Variants in LRP1B observed in about 807,000 individuals in gnomAD.
LRP1B encodes low-density lipoprotein receptor-related protein 1B.
Under a neutral mutation model 556.6 loss-of-function variants are expected in LRP1B, and 217 were observed. The ratio of observed to expected loss-of-function variants is 0.39; its 90% CI spans 0.35 to 0.44. LRP1B has a LOEUF of 0.44. Ranked by LOEUF, LRP1B falls within the 20% of genes least tolerant of loss-of-function variation. LRP1B has a pLI of 1.00. For missense variants in LRP1B, 5,053 were observed against 5,620.8 expected (o/e 0.90, Z 3.23); for synonymous variants, 2,047 against 1,865.8 (o/e 1.10, Z -2.50).
chr2:141,741,500 G>T (rs1693705125), intron 2 of LRP1B, among the ~76,000 whole-genome samples: 1 of 132,502 alleles, frequency 7.5e-6, no homozygotes, highest in African/African-American at 2.7e-5. Flanking sequence ...ATTTTAACTG[G>T]TGAGATATCT....
intron 18 of LRP1B, among the ~76,000 whole-genome samples, chr2:140,971,815 C>G (rs1468391528): frequency 2.0e-5 from 3 of 152,126 alleles, no homozygotes; most frequent in African/African-American, 7.2e-5. Flanking sequence ...GCCTGGGTGA[C>G]AGAGAGAGAC....
chr2:140,563,992 G>T (rs796427546), intron 43 of LRP1B, among the ~76,000 whole-genome samples: 21 of 152,216 alleles, frequency 1.4e-4, no homozygotes, highest in African/African-American at 5.1e-4. Flanking sequence ...GGTAGACAGG[G>T]TAACAAGGAG....
In LRP1B at chr2:141,254,649, G is replaced by T. The variant is rs955550770; in HGVS notation, c.344-8C>A. 1.3e-6 allele frequency: 2 copies of T among 1,595,766 alleles called. No individual in the cohort carries two copies. The highest frequency in any genetic ancestry group is 1.7e-5 in the Admixed American group (1 of 58,904). Reference sequence around the variant, plus strand: ...GGCAATTGGATAACAGTTCTGTAGAGAAAAAACAAATATATTCTCTATATT... The same window carrying T: ...GGCAATTGGATAACAGTTCTGTAGATAAAAAACAAATATATTCTCTATATT... On this transcript the variant is annotated splice_polypyrimidine_tract_variant and splice_region_variant and intron_variant, in intron 3 of 90. Coordinates refer to ENST00000389484, the MANE Select transcript of LRP1B (RefSeq NM_018557.3).
intron 3 of LRP1B, among the ~76,000 whole-genome samples, chr2:141,295,507 G>C (rs548370359): frequency 6.6e-6 from 1 of 152,120 alleles, no homozygotes; most frequent in African/African-American, 2.4e-5. Flanking sequence ...TATTGGATCA[G>C]TAGCAGTCAG....
chr2:141,030,337 T>C (rs1473292752), intron 11 of LRP1B, among the ~76,000 whole-genome samples: 1 of 152,072 alleles, frequency 6.6e-6, no homozygotes, highest in Non-Finnish European at 1.5e-5. Context: ...CAGAATGATA[T>C]TTTATGTATA....
intron 37 of LRP1B, among the ~76,000 whole-genome samples, chr2:140,712,809 T>C (rs1229397365): frequency 1.3e-5 from 2 of 152,128 alleles, no homozygotes; most frequent in Admixed American, 6.6e-5. Flanking sequence ...TTACATGTTC[T>C]GTTCTCTGCT....
chr2:141,869,001 T>C (rs1365458944), intron 1 of LRP1B, among the ~76,000 whole-genome samples: 5 of 152,102 alleles, frequency 3.3e-5, no homozygotes, highest in Non-Finnish European at 5.9e-5. Flanking sequence ...TACCCATCAA[T>C]TGGATTTTGT....
intron 2 of LRP1B, among the ~76,000 whole-genome samples, chr2:141,571,417 A>G (rs1334040868): frequency 7.2e-6 from 1 of 139,832 alleles, no homozygotes; most frequent in African/African-American, 2.5e-5. Flanking sequence ...AACCTCATCC[A>G]AGGGTCAGCA....
At chr2:141,276,223 C>A (rs1356821926) in intron 3 of LRP1B, among the ~76,000 whole-genome samples, 1 of 152,142 alleles carries the variant, frequency 6.6e-6, no homozygotes, top group Non-Finnish European at 1.5e-5. Context: ...ACATAACTAT[C>A]TTCACTTCCT....
At chr2:140,793,029 A>C (rs543421352) in intron 32 of LRP1B, among the ~76,000 whole-genome samples, 36 of 152,220 alleles carry the variant, frequency 2.4e-4, no homozygotes, top group Middle Eastern at 7.1e-3. Flanking sequence ...AAACATTAAA[A>C]TGATATTGTA....
At chr2:141,525,986 T>A (rs1017089419) in intron 2 of LRP1B, among the ~76,000 whole-genome samples, 10 of 152,094 alleles carry the variant, frequency 6.6e-5, no homozygotes, top group African/African-American at 2.4e-4. Flanking sequence ...AATCTTCATA[T>A]AATTCAATGA....
intron 7 of LRP1B, among the ~76,000 whole-genome samples, chr2:141,138,283 A>AT (rs1335736639): frequency 6.6e-6 from 1 of 151,966 alleles, no homozygotes; most frequent in African/African-American, 2.4e-5. Context: ...AGATAACGGG[A>AT]TTTTATAAAA....
intron 1 of LRP1B, among the ~76,000 whole-genome samples, chr2:141,908,125 C>T (rs1205102090): frequency 6.6e-6 from 1 of 152,012 alleles, no homozygotes; most frequent in South Asian, 2.1e-4. Context: ...TAAAGATAGG[C>T]ATAACTATTG....
At chr2:141,772,311 T>C (rs558306985) in intron 2 of LRP1B, among the ~76,000 whole-genome samples, 14 of 152,162 alleles carry the variant, frequency 9.2e-5, no homozygotes, top group Non-Finnish European at 1.9e-4. Flanking sequence ...AGGAAAACTA[T>C]TAATCTTAAT....
rs6739123 is a variant in LRP1B at position 140,481,952 on chromosome 2, C to T, written c.9425+3391G>A. Among the ~76,000 whole-genome samples the T allele has an allele frequency of 4.6e-3, 695 of 152,254 alleles. 6 individuals carry two copies. Among genetic ancestry groups the T allele is most frequent in the African/African-American group, 0.016 (677 of 41,550 alleles). On this transcript the variant is annotated intron_variant, in intron 59 of 90. Coordinates refer to ENST00000389484, the MANE Select transcript of LRP1B (RefSeq NM_018557.3). ...CCGTTCTTTTTGCCAAAAAATATCT[C>T]TTGCCCTGTAGAGCACCACGTCACT...
intron 71 of LRP1B, 87 bp from the exon 72 acceptor site, chr2:140,364,870 C>G (rs963147799): frequency 8.2e-7 from 1 of 1,215,374 alleles, no homozygotes; most frequent in Admixed American, 1.9e-5. Flanking sequence ...TCTTAGCAAA[C>G]AGTATCTAGT....
intron 1 of LRP1B, among the ~76,000 whole-genome samples, chr2:141,877,701 G>T (rs1467029012): frequency 1.3e-5 from 2 of 151,976 alleles, no homozygotes; most frequent in African/African-American, 4.8e-5. Context: ...TACTCAAACT[G>T]ATGTATATGG....
chr2:141,633,215 T>C (rs1688977255), intron 2 of LRP1B, among the ~76,000 whole-genome samples: 2 of 152,088 alleles, frequency 1.3e-5, no homozygotes, highest in South Asian at 4.1e-4. Flanking sequence ...TTCAAATCTG[T>C]GGGGATGGGA....
At chr2:141,346,493 A>G (rs1688263034) in intron 3 of LRP1B, among the ~76,000 whole-genome samples, 1 of 152,088 alleles carries the variant, frequency 6.6e-6, no homozygotes, top group Admixed American at 6.6e-5. Context: ...TTCTCCTGGA[A>G]CTGAATAGGG....
Sources: allele counts gnomAD v4.1 joint callset (sites outside exome capture counted in the v4.1 genomes callset), GRCh38; gene constraint gnomAD v4.1.1; transcripts MANE v1.5; gene names NCBI Gene and HGNC (gene_info 2026-07-23, HGNC 2026-07-21).